The following SYN3 variants were observed in gnomAD, a reference collection of about 807,000 sequenced individuals.
SYN3 encodes synapsin III.
A neutral mutation model predicts 65.8 loss-of-function variants in SYN3; 35 were observed. The ratio of observed to expected loss-of-function variants is 0.53; its 90% CI spans 0.41 to 0.70. The LOEUF (loss-of-function observed/expected upper bound fraction) is 0.70, where lower values mean the gene tolerates loss of function less well. Among genes scored for constraint, SYN3 ranks in the 30% least tolerant of loss-of-function variants. SYN3 has a pLI of 0.00. For missense variants in SYN3, 680 were observed against 749.0 expected, an observed-to-expected ratio of 0.91 and a Z score of 1.08; for synonymous variants, 270 against 292.9, an observed-to-expected ratio of 0.92 and a Z score of 0.80.
chr22:33,030,031 G>C (rs907671900), intron 1 of SYN3, among the ~76,000 whole-genome samples: 2 of 152,140 alleles, frequency 1.3e-5, no homozygotes, highest in Non-Finnish European at 2.9e-5. Context: ...CCTCTAGGAA[G>C]GCTTCCCTGA....
intron 6 of SYN3, among the ~76,000 whole-genome samples, chr22:32,851,741 C>T (rs2048223707): frequency 6.6e-6 from 1 of 152,142 alleles, no homozygotes; most frequent in African/African-American, 2.4e-5. Flanking sequence ...TATATGACTC[C>T]CAAATCTCCC....
intron 6 of SYN3, among the ~76,000 whole-genome samples, chr22:32,706,516 C>G (rs975924047): frequency 3.9e-5 from 6 of 152,128 alleles, no homozygotes; most frequent in Non-Finnish European, 5.9e-5. Context: ...TCTATAAAAG[C>G]CGAGATAATT....
intron 6 of SYN3, among the ~76,000 whole-genome samples, chr22:32,678,643 T>C (rs2060480848): frequency 6.6e-6 from 1 of 150,578 alleles, no homozygotes; most frequent in East Asian, 1.9e-4. Context: ...CTTTTTCTCC[T>C]TCTCCTTCTC....
chr22:32,935,591 C>T (rs1361139315), intron 3 of SYN3, among the ~76,000 whole-genome samples: 3 of 152,008 alleles, frequency 2.0e-5, no homozygotes, highest in African/African-American at 4.8e-5. Context: ...GCTGAGATCA[C>T]AGGCACCCGC....
At chr22:32,537,776 A>G (rs1258493065) in intron 9 of SYN3, among the ~76,000 whole-genome samples, 2 of 152,202 alleles carry the variant, frequency 1.3e-5, no homozygotes, top group Non-Finnish European at 2.9e-5. Flanking sequence ...CAGCTCTGTC[A>G]TCAACTAGCT....
chr22:32,526,144 A>G (rs993834155), intron 12 of SYN3, among the ~76,000 whole-genome samples: 1 of 152,222 alleles, frequency 6.6e-6, no homozygotes, highest in Non-Finnish European at 1.5e-5. Flanking sequence ...AAGAGACTAC[A>G]GTGTAGTGTA....
intron 6 of SYN3, among the ~76,000 whole-genome samples, chr22:32,794,072 A>G (rs1273783492): frequency 1.3e-5 from 2 of 152,228 alleles, no homozygotes; most frequent in Non-Finnish European, 2.9e-5. Flanking sequence ...TGTGTCCAGC[A>G]TTGTCCCTGT....
intron 7 of SYN3, among the ~76,000 whole-genome samples, chr22:32,586,985 A>T (rs1453074060): frequency 6.6e-6 from 1 of 152,144 alleles, no homozygotes; most frequent in East Asian, 1.9e-4. Context: ...GCACTTTGGG[A>T]GGCTGAGGCA....
At chr22:32,792,123 T>C (rs2046335733) in intron 6 of SYN3, among the ~76,000 whole-genome samples, 1 of 152,212 alleles carries the variant, frequency 6.6e-6, no homozygotes, top group Admixed American at 6.5e-5. Context: ...GCTTACAGTG[T>C]TTGATCTTCA....
At chr22:32,603,674 C>T (rs1187916362) in intron 6 of SYN3, among the ~76,000 whole-genome samples, 1 of 152,244 alleles carries the variant, frequency 6.6e-6, no homozygotes, top group Non-Finnish European at 1.5e-5. Context: ...ACTTCTACCC[C>T]TTTGCAACAT....
chr22:32,958,228 C>T (rs2051527986), intron 3 of SYN3, among the ~76,000 whole-genome samples: 1 of 152,176 alleles, frequency 6.6e-6, no homozygotes, highest in South Asian at 2.1e-4. Flanking sequence ...CAGCTCCACA[C>T]ATCTCAGGGA....
At chr22:32,972,468 C>A (rs1414965593) in intron 3 of SYN3, among the ~76,000 whole-genome samples, 2 of 152,186 alleles carry the variant, frequency 1.3e-5, no homozygotes, top group Non-Finnish European at 2.9e-5. Flanking sequence ...TATTGCCACT[C>A]ATCCTTCTAT....
intron 2 of SYN3, among the ~76,000 whole-genome samples, chr22:32,993,590 C>T (rs553522102): frequency 6.6e-6 from 1 of 152,214 alleles, no homozygotes; most frequent in Non-Finnish European, 1.5e-5. Flanking sequence ...GTGATTCACC[C>T]GCCTTGGCCT....
intron 6 of SYN3, chr22:32,849,657 C>A: frequency 1.2e-6 from 1 of 846,082 alleles, no homozygotes; most frequent in South Asian, 1.4e-5. Context: ...CAGACCCAGC[C>A]CTTCTGCCTG....
chr22:32,603,700 AAC>A (rs1337711319), intron 6 of SYN3, among the ~76,000 whole-genome samples: 1 of 152,100 alleles, frequency 6.6e-6, no homozygotes, highest in African/African-American at 2.4e-5. Context: ...CCCCTCCCCA[AAC>A]ACAGACAGGT....
chr22:32,617,132 G>A (rs2059531932), intron 6 of SYN3, among the ~76,000 whole-genome samples: 2 of 152,238 alleles, frequency 1.3e-5, no homozygotes, highest in African/African-American at 2.4e-5. Context: ...GTGTATGGAT[G>A]TGGGTGTGTG....
chr22:32,668,243 A>ACTTTT (rs2147049840), intron 6 of SYN3, among the ~76,000 whole-genome samples: 1 of 152,236 alleles, frequency 6.6e-6, no homozygotes, highest in East Asian at 1.9e-4. Context: ...TTTACTTTAA[A>ACTTTT]AGTAATCAAT....
intron 4 of SYN3, among the ~76,000 whole-genome samples, chr22:32,927,818 A>G (rs1162572445): frequency 6.6e-6 from 1 of 152,144 alleles, no homozygotes; most frequent in Non-Finnish European, 1.5e-5. Context: ...GAAGGTCTGT[A>G]AATGTTTTTA....
chr22:32,718,486 T>C lies in SYN3; in HGVS notation c.712-121750A>G, dbSNP rs554578600. Reference sequence around the variant, plus strand: ...ATGCTATGAGACAAGTACTGTCTCATAGTCCTTTTTTCAAGGACTGAAAAA... The same window carrying C: ...ATGCTATGAGACAAGTACTGTCTCACAGTCCTTTTTTCAAGGACTGAAAAA... On this transcript the variant is annotated intron_variant, in intron 6 of 13. Transcript: ENST00000358763. Among the ~76,000 whole-genome samples the C allele has an allele frequency of 1.3e-4, 19 of 149,462 alleles. No homozygotes were observed. In the Middle Eastern group the frequency reaches 0.018, roughly 140 times the overall value.
Sources: gnomAD v4.1 joint callset for allele counts (sites outside exome capture counted in the v4.1 genomes callset) on GRCh38, gnomAD v4.1.1 for gene constraint, MANE v1.5 for transcripts, NCBI Gene and HGNC (gene_info 2026-07-23, HGNC 2026-07-21) for gene names.